The following CNOT4 variants were observed in gnomAD, a reference collection of about 807,000 sequenced individuals.
The protein encoded by CNOT4 is CCR4-NOT transcription complex subunit 4, also known as CCR4-associated factor 4.
CNOT4 carries 8 observed loss-of-function variants against 73.8 expected under a neutral mutation model. The ratio of observed to expected loss-of-function variants is 0.11; its 90% CI spans 0.06 to 0.20. CNOT4 has a LOEUF of 0.20. Among genes scored for constraint, CNOT4 ranks in the 10% least tolerant of loss-of-function variants. The pLI is 1.00. For missense variants in CNOT4, 564 were observed against 883.4 expected (o/e 0.64, Z 4.58); for synonymous variants, 293 against 321.1 (o/e 0.91, Z 0.94).
In CNOT4 at chr7:135,394,154, G is replaced by T. The variant is rs1272715907; in HGVS notation, c.1391C>A (p.Ser464Tyr). 3.7e-6 allele frequency: 6 copies of T among 1,614,234 alleles called. No homozygotes were observed. The highest frequency in any genetic ancestry group is 5.1e-6 in the Non-Finnish European group (6 of 1,180,024). Reference sequence around the variant, plus strand: ...CAAGACTGAAAAGGTACTATTGAGAGAATTGGCATTTGTAGCTGCAGCAGG... The same window carrying T: ...CAAGACTGAAAAGGTACTATTGAGATAATTGGCATTTGTAGCTGCAGCAGG... ...LHPAAATNANSLNSTFSVLPQ... is the reference protein window; with the variant it reads ...LHPAAATNANYLNSTFSVLPQ... The change falls in exon 10 of 12, where the codon TCT becomes TAT. Residue 464 changes from serine to tyrosine, a missense_variant. Coordinates refer to ENST00000541284, the MANE Select transcript of CNOT4 (RefSeq NM_001190850.2).
At chr7:135,414,289 C>T (rs1176467975) in intron 5 of CNOT4, 42 bp downstream of exon 5, 1 of 753,986 alleles carries the variant, frequency 1.3e-6, no homozygotes, top group Non-Finnish European at 2.3e-6. Flanking sequence ...TTTATCTCGT[C>T]TTCCTTAAAA....
intron 3 of CNOT4, among the ~76,000 whole-genome samples, chr7:135,419,851 T>C (rs1221166734): frequency 6.7e-6 from 1 of 150,230 alleles, no homozygotes; most frequent in Non-Finnish European, 1.5e-5. Flanking sequence ...GAGACCAGCC[T>C]AGTCAACATG....
intron 1 of CNOT4, among the ~76,000 whole-genome samples, chr7:135,494,221 G>A (rs1393827340): frequency 6.6e-6 from 1 of 152,094 alleles, no homozygotes; most frequent in Non-Finnish European, 1.5e-5. Flanking sequence ...TGTAATCCCA[G>A]CACTTTGGGA....
chr7:135,458,695 C>G (rs761336851), intron 1 of CNOT4, among the ~76,000 whole-genome samples: 2 of 152,102 alleles, frequency 1.3e-5, no homozygotes, highest in Non-Finnish European at 2.9e-5. Flanking sequence ...ACTTTCTTTG[C>G]TCATTCTTAT....
intron 1 of CNOT4, among the ~76,000 whole-genome samples, chr7:135,485,842 T>TTA (rs1229340774): frequency 6.6e-6 from 1 of 152,128 alleles, no homozygotes; most frequent in Non-Finnish European, 1.5e-5. Context: ...AGGAAAAAAC[T>TTA]TAGAGAAAAT....
At position 135,414,343 on chromosome 7, in the gene CNOT4, G is replaced by T; in HGVS notation, c.549C>A (p.Gly183=). ...AGGACTATATTACCTTAAGTGTTCT[G>T]CCATCTACTACCACATTGTTGACAC... ...IQCVNNVVVD[G]RTLKASLGTT... is the part of the protein sequence containing the mutation. The change falls in exon 5 of 12, where the codon GGC becomes GGA. Residue 183 remains glycine, a synonymous_variant. Coordinates refer to ENST00000541284, the MANE Select transcript of CNOT4 (RefSeq NM_001190850.2). The T allele has an allele frequency of 2.3e-6, 3 of 1,314,536 alleles. No homozygotes were observed. Among genetic ancestry groups the T allele is most frequent in the Non-Finnish European group, 1.1e-6 (1 of 914,938 alleles). The allele number at this position is 1,314,536 out of a possible 1,614,324, so 81.4% of individuals were successfully genotyped here.
At chr7:135,493,974 A>T (rs763351492) in intron 1 of CNOT4, among the ~76,000 whole-genome samples, 35 of 151,612 alleles carry the variant, frequency 2.3e-4, no homozygotes, top group Non-Finnish European at 4.4e-4. Flanking sequence ...AAATATAAGT[A>T]TTGTATCAAA....
At chr7:135,486,435 C>T (rs1342693626) in intron 1 of CNOT4, among the ~76,000 whole-genome samples, 32 of 152,124 alleles carry the variant, frequency 2.1e-4, no homozygotes, top group Non-Finnish European at 1.5e-5. Flanking sequence ...AGAAACTGGA[C>T]CACTCATTTA....
intron 1 of CNOT4, among the ~76,000 whole-genome samples, chr7:135,464,228 C>T (rs534708956): frequency 3.3e-5 from 5 of 152,290 alleles, no homozygotes; most frequent in Middle Eastern, 3.4e-3. Flanking sequence ...CATAAAGTCA[C>T]ATGCACACGA....
chr7:135,483,055 C>A (rs1802487895), intron 1 of CNOT4, among the ~76,000 whole-genome samples: 1 of 149,510 alleles, frequency 6.7e-6, no homozygotes, highest in African/African-American at 2.5e-5. Context: ...AAAATCTAGT[C>A]TGTGAACAGT....
chr7:135,382,156 C>T (rs1323896551), intron 10 of CNOT4, among the ~76,000 whole-genome samples: 1 of 152,198 alleles, frequency 6.6e-6, no homozygotes, highest in Non-Finnish European at 1.5e-5. Flanking sequence ...TAGGCTTGCT[C>T]TCAGTTCTAG....
chr7:135,422,374 T>A, intron 2 of CNOT4, 21 bp from the exon 3 acceptor site: 1 of 1,121,300 alleles, frequency 8.9e-7, no homozygotes, highest in South Asian at 1.3e-5. Flanking sequence ...GAAACAAACA[T>A]AGACGTTAGC....
At chr7:135,495,648 T>A (rs1488024617) in intron 1 of CNOT4, among the ~76,000 whole-genome samples, 1 of 108,766 alleles carries the variant, frequency 9.2e-6, no homozygotes, top group Non-Finnish European at 1.7e-5. Flanking sequence ...CCAGCCTAGG[T>A]AACAGAGTGA....
At chr7:135,424,827 A>G (rs944518166) in intron 2 of CNOT4, among the ~76,000 whole-genome samples, 2 of 152,068 alleles carry the variant, frequency 1.3e-5, no homozygotes, top group African/African-American at 4.8e-5. Flanking sequence ...AAAAAAACAA[A>G]CAAGTTCATT....
intron 10 of CNOT4, among the ~76,000 whole-genome samples, chr7:135,385,162 T>A (rs1043742565): frequency 1.3e-5 from 2 of 152,230 alleles, no homozygotes; most frequent in Admixed American, 6.5e-5. Flanking sequence ...GTTCTTAAAA[T>A]GCTATGTTCA....
rs1485439475 is a variant in CNOT4, at chr7:135,510,026, T to C, written c.-230A>G. 9 of 399,002 alleles carry C rather than the reference T, an allele frequency of 2.3e-5. No homozygotes were observed. The highest frequency in any genetic ancestry group is 1.9e-4 in the African/African-American group (9 of 48,610). The allele number at this position is 399,002 out of a possible 1,614,324, so 24.7% of individuals were successfully genotyped here. ...CTTCAGCGAGTCCGACCTTTACGGC[T>C]GAGAGAGAGACTCTCAGCTTTCGGT... On this transcript the variant is annotated 5_prime_UTR_variant, in exon 1 of 12. Coordinates refer to ENST00000541284, the MANE Select transcript of CNOT4 (RefSeq NM_001190850.2).
intron 2 of CNOT4, among the ~76,000 whole-genome samples, chr7:135,423,487 C>G (rs932901243): frequency 1.3e-5 from 2 of 151,362 alleles, no homozygotes; most frequent in South Asian, 2.1e-4. Context: ...AAAAAAAAAC[C>G]TCTCAAATTT....
At chr7:135,405,262 C>T (rs1797216116) in intron 7 of CNOT4, among the ~76,000 whole-genome samples, 1 of 152,102 alleles carries the variant, frequency 6.6e-6, no homozygotes, top group Non-Finnish European at 1.5e-5. Context: ...TTTATTCCAC[C>T]CTCGCTCCAC....
At chr7:135,509,739 G>A in intron 1 of CNOT4, 150 bp downstream of exon 1, 1 of 302,506 alleles carries the variant, frequency 3.3e-6, no homozygotes. Flanking sequence ...AGAGGAGGAG[G>A]AGGAAGAAGA....
Sources: allele counts gnomAD v4.1 joint callset (sites outside exome capture counted in the v4.1 genomes callset), GRCh38; gene constraint gnomAD v4.1.1; transcripts MANE v1.5; gene names NCBI Gene and HGNC (gene_info 2026-07-23, HGNC 2026-07-21).